AHRR: variants seen among roughly 807,000 people sequenced by gnomAD.
AHRR encodes aryl hydrocarbon receptor repressor, also known as ahR repressor.
Under a neutral mutation model 44.0 loss-of-function variants are expected in AHRR, and 28 were observed. The observed-to-expected ratio is 0.64, with a 90% CI of 0.47 to 0.87. AHRR has a LOEUF of 0.87. Among genes scored for constraint, AHRR ranks in the 40% least tolerant of loss-of-function variants. AHRR has a pLI of 0.00. For missense variants in AHRR, 990 were observed against 953.9 expected (o/e 1.04, Z -0.50); for synonymous variants, 434 against 407.0 (o/e 1.07, Z -0.80).
intron 3 of AHRR, among the ~76,000 whole-genome samples, chr5:366,135 T>G (rs1372382775): frequency 2.3e-5 from 3 of 132,402 alleles, no homozygotes; most frequent in African/African-American, 5.7e-5. Flanking sequence ...GCAGCAGCAA[T>G]CACACCTAAC....
intron 4 of AHRR, among the ~76,000 whole-genome samples, chr5:399,469 A>T (rs547381455): frequency 2.1e-4 from 32 of 152,348 alleles, no homozygotes; most frequent in Admixed American, 1.8e-3. Context: ...TAGACGTCAG[A>T]TTGCCTGTCC....
Position 419,109 on chromosome 5 carries a change from AG to A in AHRR, c.442-3619del, listed in dbSNP as rs953128073. 8.5e-4 allele frequency: 130 copies of A among 152,246 alleles called. No individual in the cohort carries two copies. The highest frequency in any genetic ancestry group is 3.0e-3 in the African/African-American group (123 of 41,496). 9.4% of individuals were successfully genotyped at this position (152,246 alleles called of 1,614,324 possible). A position where few individuals can be genotyped will look rare whatever the true frequency, so the allele number is the denominator to read the frequency against. ...AGTCTCTCTCTTCTATTGGGAAATA[AG>A]TCTTTGCCTGTGGTCGTTGGGGCTG... On this transcript the variant is annotated intron_variant, in intron 5 of 10. Coordinates refer to ENST00000684583, the MANE Select transcript of AHRR (RefSeq NM_001377236.1). This position sits in a 1 kb window ranked among gnomAD's most constrained non-coding sequence, Gnocchi z 4.4.
intron 8 of AHRR, among the ~76,000 whole-genome samples, chr5:428,266 A>C (rs1021422720): frequency 6.6e-6 from 1 of 152,244 alleles, no homozygotes; most frequent in African/African-American, 2.4e-5. Context: ...AACCAGTTTC[A>C]GAATAAGTGT....
chr5:429,331 C>T (rs1436690456), intron 8 of AHRR, among the ~76,000 whole-genome samples: 2 of 151,292 alleles, frequency 1.3e-5, no homozygotes, highest in Non-Finnish European at 3.0e-5. Flanking sequence ...GGGCCGGGGC[C>T]GCCAGGATGC....
intron 2 of AHRR, among the ~76,000 whole-genome samples, 177 bp from the exon 3 acceptor site, chr5:353,553 T>C (rs116625948): frequency 0.065 from 9,899 of 152,270 alleles, 524 homozygotes; most frequent in Non-Finnish European, 0.087. Flanking sequence ...TGTTGTGCGC[T>C]GTGGTTTTTA....
At chr5:390,927 C>T (rs183065531) in intron 4 of AHRR, among the ~76,000 whole-genome samples, 236 of 152,242 alleles carry the variant, frequency 1.6e-3, no homozygotes, top group African/African-American at 5.6e-3. Context: ...AGTTGTTTCT[C>T]GGAAAGCCCC....
chr5:327,782 TTTTA>T, intron 1 of AHRR, among the ~76,000 whole-genome samples: 1 of 152,324 alleles, frequency 6.6e-6, no homozygotes. Flanking sequence ...TTTTATTTTA[TTTTA>T]TTTTATTATT....
At chr5:340,212 G>A (rs1312263104) in intron 1 of AHRR, among the ~76,000 whole-genome samples, 1 of 152,080 alleles carries the variant, frequency 6.6e-6, no homozygotes, top group Non-Finnish European at 1.5e-5. Context: ...CAGATTATCT[G>A]TTTTTTCTTG....
chr5:351,255 A>G (rs1487736601), intron 2 of AHRR, among the ~76,000 whole-genome samples: 5 of 152,264 alleles, frequency 3.3e-5, no homozygotes, highest in African/African-American at 7.2e-5. Context: ...TGCTAAGTAC[A>G]TGCTCAAGAG....
chr5:416,068 C>T (rs1735795967), intron 5 of AHRR, among the ~76,000 whole-genome samples: 2 of 152,232 alleles, frequency 1.3e-5, no homozygotes, highest in South Asian at 4.1e-4. Context: ...ACACTGGATG[C>T]CTCCTTGGGA....
At chr5:401,085 G>A (rs928185372) in intron 4 of AHRR, among the ~76,000 whole-genome samples, 1 of 152,210 alleles carries the variant, frequency 6.6e-6, no homozygotes, top group Non-Finnish European at 1.5e-5. Flanking sequence ...TGGCAACTCT[G>A]TTCCCTTTCA....
rs1359095877 is a variant in AHRR, at chr5:419,491, A to G, written c.442-3238A>G. Among the ~76,000 whole-genome samples the G allele has an allele frequency of 2.0e-5, 3 of 152,136 alleles. No individual in the cohort carries two copies. Among genetic ancestry groups the G allele is most frequent in the South Asian group, 2.1e-4 (1 of 4,826 alleles). ...TGAGAGTTTTAGTCTTTTAAGCAAC[A>G]TTTATAAATGAAGAAATTAGGGATG... On this transcript the variant is annotated intron_variant, in intron 5 of 10. Coordinates refer to ENST00000684583, the MANE Select transcript of AHRR (RefSeq NM_001377236.1). The surrounding 1 kb of genome is among the most constrained non-coding windows in gnomAD (Gnocchi z 4.4).
intron 7 of AHRR, chr5:427,560 C>A: frequency 1.3e-6 from 2 of 1,559,764 alleles, no homozygotes; most frequent in South Asian, 1.1e-5. Context: ...CTGTCAAAGG[C>A]CGTCGCCGCG....
At chr5:329,322 C>T (rs1741835398) in intron 1 of AHRR, among the ~76,000 whole-genome samples, 1 of 152,170 alleles carries the variant, frequency 6.6e-6, no homozygotes, top group Non-Finnish European at 1.5e-5. Flanking sequence ...CCTCTGCCTC[C>T]TGAGTAACTG....
Position 388,617 on chromosome 5 carries a change from G to A in AHRR, c.351+11901G>A, listed in dbSNP as rs1734268424. Reference sequence around the variant, plus strand: ...ATGCCAGGCAGCCCTGAGGGGCCGAGCCGACTGGAGGGGCACAGCCTGGCA... The same window carrying A: ...ATGCCAGGCAGCCCTGAGGGGCCGAACCGACTGGAGGGGCACAGCCTGGCA... On this transcript the variant is annotated intron_variant, in intron 4 of 10. Coordinates refer to ENST00000684583, the MANE Select transcript of AHRR (RefSeq NM_001377236.1). The surrounding 1 kb of genome is among the most constrained non-coding windows in gnomAD (Gnocchi z 5.2). Among the ~76,000 whole-genome samples, 1 of 152,218 alleles carries A rather than the reference G, an allele frequency of 6.6e-6. No individual in the cohort carries two copies. Among genetic ancestry groups the A allele is most frequent in the African/African-American group, 2.4e-5 (1 of 41,464 alleles).
Position 437,521 on chromosome 5 carries a change from G to A in AHRR, c.*2687G>A, listed in dbSNP as rs142368587. ...GGCTGCGTGTTTGCGATTGTAGCCA[G>A]GCCCTTCAGTGTCATCAAAGGAGCA... On this transcript the variant is annotated 3_prime_UTR_variant, in exon 11 of 11. Coordinates refer to ENST00000684583, the MANE Select transcript of AHRR (RefSeq NM_001377236.1). The A allele has an allele frequency of 7.2e-4, 110 of 152,486 alleles. No homozygotes were observed. Among genetic ancestry groups the A allele is most frequent in the African/African-American group, 2.6e-3 (109 of 41,588 alleles). The allele number at this position is 152,486 out of a possible 1,614,324, so 9.4% of individuals were successfully genotyped here.
chr5:406,202 G>T lies in AHRR; in HGVS notation c.352-7142G>T, dbSNP rs1279943908. On this transcript the variant is annotated intron_variant, in intron 4 of 10. Coordinates refer to ENST00000684583, the MANE Select transcript of AHRR (RefSeq NM_001377236.1). This position sits in a 1 kb window ranked among gnomAD's most constrained non-coding sequence, Gnocchi z 4.7. ...GCTTGGGCGAGGGGCCCACGGTGTC[G>T]CTGGGGACTTCTGCTGCCCCCAGCC... 6.6e-6 allele frequency among the ~76,000 whole-genome samples: 1 copy of T among 152,250 alleles called. No homozygotes were observed.
At chr5:339,280 AT>A (rs1238460597) in intron 1 of AHRR, among the ~76,000 whole-genome samples, 5 of 151,936 alleles carry the variant, frequency 3.3e-5, no homozygotes, top group East Asian at 1.9e-4. Context: ...ACACTGGCTA[AT>A]TTTTTTTAAA....
chr5:432,624 T>C (rs1002821267), intron 9 of AHRR, 100 bp downstream of exon 9: 57 of 1,522,578 alleles, frequency 3.7e-5, no homozygotes, highest in Non-Finnish European at 4.8e-5. Context: ...GCGTATTCCA[T>C]GGAAAAGCCA....
Sources: gnomAD v4.1 joint callset for allele counts (sites outside exome capture counted in the v4.1 genomes callset) on GRCh38, gnomAD v4.1.1 for gene constraint, Gnocchi (gnomAD v3.1) non-coding constraint, MANE v1.5 for transcripts, NCBI Gene and HGNC (gene_info 2026-07-23, HGNC 2026-07-21) for gene names.